Variants in CGNL1 observed in about 807,000 individuals in gnomAD.
CGNL1 encodes the protein cingulin like 1.
Under a neutral mutation model 141.2 loss-of-function variants are expected in CGNL1, and 132 were observed. The ratio of observed to expected loss-of-function variants is 0.93; its 90% CI spans 0.81 to 1.08. The LOEUF is 1.08. Ranked by LOEUF, CGNL1 falls within the 50% of genes least tolerant of loss-of-function variation. The pLI, the probability that CGNL1 is intolerant of heterozygous loss-of-function variation, is 0.00. For missense variants in CGNL1, 1,870 were observed against 1,588.6 expected (o/e 1.18, Z -3.01); for synonymous variants, 690 against 622.1 (o/e 1.11, Z -1.63).
chr15:57,405,826 CTTTTTCTTTCTTTTCTTTTTCTTTCT>C, intron 1 of CGNL1: 1 of 94,202 alleles, frequency 1.1e-5, no homozygotes, highest in East Asian at 3.0e-4. Flanking sequence ...TTCTTTCTTT[CTTTTTCTTTCTTTTCTTTTTCTTTCT>C]TTTCTTTTTC....
In CGNL1 at chr15:57,518,475, A is replaced by C; in HGVS notation, c.2693A>C (p.Glu898Ala). 1 of 1,611,226 alleles carries C rather than the reference A, an allele frequency of 6.2e-7. No homozygotes were observed. The highest frequency in any genetic ancestry group is 8.5e-7 in the Non-Finnish European group (1 of 1,178,550). ...GCTGTGTCAGCCAGAAGGGCCCTGGAGAATGAACTGGAGGCTGCTCAGGTA... is the reference window on the plus strand; with the variant it reads ...GCTGTGTCAGCCAGAAGGGCCCTGGCGAATGAACTGGAGGCTGCTCAGGTA... The part of the protein sequence containing the change: ...KEAVSARRAL[E>A]NELEAAQGNL... The change falls in exon 10 of 19, where the codon GAG (glutamate) becomes GCG (alanine). Residue 898 changes from glutamate to alanine, a missense_variant. Physicochemically the swap from Glu to Ala is moderately radical, Grantham distance 107 (BLOSUM62 -1). Transcript: ENST00000281282.
At position 57,482,754 on chromosome 15, in the gene CGNL1, A is replaced by C. The variant is rs566642974; in HGVS notation, c.2403+20862A>C. On this transcript the variant is annotated intron_variant, in intron 8 of 18. Transcript: ENST00000281282. ...ATTCTTTTTTAAAATTGTTTTAGCT[A>C]TTCTAGTTACTTTACCTTTTCTTTT... Among the ~76,000 whole-genome samples, 3 of 150,546 alleles carry C rather than the reference A, an allele frequency of 2.0e-5. No individual in the cohort carries two copies. The South Asian group carries it at 6.3e-4, about 32-fold the overall frequency.
At chr15:57,382,110 A>G (rs555601359) in intron 1 of CGNL1, among the ~76,000 whole-genome samples, 1 of 152,300 alleles carries the variant, frequency 6.6e-6, no homozygotes, top group South Asian at 2.1e-4. Flanking sequence ...TGCACATCCA[A>G]TTCCTGTTTA....
At chr15:57,388,345 C>T (rs1258911050) in intron 1 of CGNL1, among the ~76,000 whole-genome samples, 1 of 152,120 alleles carries the variant, frequency 6.6e-6, no homozygotes, top group African/African-American at 2.4e-5. Flanking sequence ...GTGGTCTTTC[C>T]TTTGTGCTGG....
intron 1 of CGNL1, among the ~76,000 whole-genome samples, chr15:57,407,577 G>A (rs1200442817): frequency 2.0e-5 from 3 of 152,064 alleles, no homozygotes; most frequent in Non-Finnish European, 4.4e-5. Context: ...AGAGGCTGAG[G>A]CAGGAGGGTC....
At chr15:57,503,197 T>A (rs1186623911) in intron 8 of CGNL1, among the ~76,000 whole-genome samples, 2 of 152,142 alleles carry the variant, frequency 1.3e-5, no homozygotes, top group African/African-American at 4.8e-5. Context: ...AGATCCTCAA[T>A]AGTTAGGTCA....
rs1463934902 is a variant in CGNL1, at chr15:57,439,033, T to G, written c.1034T>G (p.Ile345Ser). 6.2e-7 allele frequency: 1 copy of G among 1,614,218 alleles called. No homozygotes were observed. Among genetic ancestry groups the G allele is most frequent in the South Asian group, 1.1e-5 (1 of 91,086 alleles). ...IPFLPGTGRDIDTGSIPGVDQ... is the reference protein window; with the variant it reads ...IPFLPGTGRDSDTGSIPGVDQ... ...TTCCTGCCAGGAACTGGACGGGATA[T>G]TGATACAGGATCAATTCCTGGTGTG... Residue 345 changes from isoleucine to serine, a missense_variant, in exon 2 of 19, where the codon ATT becomes AGT. Ile to Ser is a moderately radical substitution (Grantham distance 142, BLOSUM62 -2). Coordinates refer to ENST00000281282, the MANE Select transcript of CGNL1 (RefSeq NM_032866.5).
At chr15:57,540,676 C>T (rs1406185520) in intron 14 of CGNL1, among the ~76,000 whole-genome samples, 3 of 152,184 alleles carry the variant, frequency 2.0e-5, no homozygotes, top group African/African-American at 7.2e-5. Context: ...TCACCCAGTG[C>T]ACCCACCCCA....
chr15:57,417,293 G>A (rs1337536613), intron 1 of CGNL1, among the ~76,000 whole-genome samples: 2 of 152,000 alleles, frequency 1.3e-5, no homozygotes, highest in African/African-American at 4.8e-5. Context: ...GAGTGCAGTG[G>A]TGGGATCTTA....
chr15:57,450,607 G>T (rs2063311033), intron 4 of CGNL1, among the ~76,000 whole-genome samples: 1 of 152,166 alleles, frequency 6.6e-6, no homozygotes, highest in South Asian at 2.1e-4. Context: ...ATTTCCTAAT[G>T]ACATTGTCTG....
chr15:57,457,020 A>G (rs1009440634), intron 7 of CGNL1, among the ~76,000 whole-genome samples: 4 of 152,214 alleles, frequency 2.6e-5, no homozygotes, highest in African/African-American at 7.2e-5. Context: ...GGCAGCCAAA[A>G]ATACCATGAT....
intron 16 of CGNL1, among the ~76,000 whole-genome samples, chr15:57,545,367 C>T (rs1462759127): frequency 6.6e-6 from 1 of 152,244 alleles, no homozygotes; most frequent in Non-Finnish European, 1.5e-5. Flanking sequence ...GGCTCAGCCC[C>T]TTGCTGGCTC....
chr15:57,540,334 A>G (rs2032497561), intron 14 of CGNL1, among the ~76,000 whole-genome samples: 1 of 152,186 alleles, frequency 6.6e-6, no homozygotes, highest in Admixed American at 6.5e-5. Context: ...CTGAAGGTGA[A>G]TGAGAAGCAC....
chr15:57,429,474 T>G (rs1387753831), intron 1 of CGNL1, among the ~76,000 whole-genome samples: 3 of 152,242 alleles, frequency 2.0e-5, no homozygotes, highest in African/African-American at 7.2e-5. Context: ...TGATATAATT[T>G]GGACTTAGGC....
chr15:57,503,600 G>A (rs1290464253), intron 8 of CGNL1, among the ~76,000 whole-genome samples: 1 of 152,062 alleles, frequency 6.6e-6, no homozygotes, highest in African/African-American at 2.4e-5. Context: ...GAGTGGAAGG[G>A]GTGTGTTATT....
Position 57,546,211 on chromosome 15 carries a change from C to A in CGNL1, c.3745C>A (p.Gln1249Lys). 2 of 1,595,492 alleles carry A rather than the reference C, an allele frequency of 1.3e-6. No individual in the cohort carries two copies. Among genetic ancestry groups the A allele is most frequent in the Non-Finnish European group, 1.7e-6 (2 of 1,170,798 alleles). The change falls in exon 18 of 19, where the codon CAG becomes AAG. Residue 1249 changes from glutamine (Q) to lysine (K), a missense_variant. Gln to Lys is a moderately conservative substitution (Grantham distance 53). Coordinates refer to ENST00000281282, the MANE Select transcript of CGNL1 (RefSeq NM_032866.5). ...GGACATGAATGAGCATCTGCAGGGG[C>A]AGCTCAACTCCATGAAGAAGGACTT... ...QMDMNEHLQG[Q>K]LNSMKKDLRL...
At chr15:57,510,277 G>T (rs1267536554) in intron 8 of CGNL1, among the ~76,000 whole-genome samples, 1 of 152,202 alleles carries the variant, frequency 6.6e-6, no homozygotes, top group South Asian at 2.1e-4. Context: ...AATGTACTAG[G>T]TGGGCAACTT....
At chr15:57,413,327 C>T (rs1227347127) in intron 1 of CGNL1, among the ~76,000 whole-genome samples, 2 of 144,288 alleles carry the variant, frequency 1.4e-5, no homozygotes, top group Non-Finnish European at 3.0e-5. Context: ...TGCTGGAGTG[C>T]AGTGGCATGG....
chr15:57,522,526 G>A (rs1243945605), intron 10 of CGNL1, among the ~76,000 whole-genome samples: 4 of 152,154 alleles, frequency 2.6e-5, no homozygotes, highest in Non-Finnish European at 4.4e-5. Context: ...GTCAGCCCTC[G>A]GTGCCTGACA....
Sources: allele counts gnomAD v4.1 joint callset (sites outside exome capture counted in the v4.1 genomes callset), GRCh38; gene constraint gnomAD v4.1.1; transcripts MANE v1.5; gene names NCBI Gene and HGNC (gene_info 2026-07-23, HGNC 2026-07-21).